The following MAML3 variants were observed in gnomAD, a reference collection of about 807,000 sequenced individuals.
MAML3 encodes mastermind-like protein 3.
In MAML3, 27 loss-of-function variants were observed where a neutral mutation model predicts 101.9. The observed-to-expected ratio is 0.27, with a 90% CI of 0.20 to 0.37. The LOEUF (loss-of-function observed/expected upper bound fraction) is 0.37, where lower values mean the gene tolerates loss of function less well. MAML3 is among the 10% of genes least tolerant of loss of function. The pLI is 1.00. For synonymous variants in MAML3, 501 were observed against 555.9 expected, an observed-to-expected ratio of 0.90 and a Z score of 1.39; for missense variants, 1,316 against 1,444.9, an observed-to-expected ratio of 0.91 and a Z score of 1.45.
chr4:139,913,631 T>C (rs562013399), intron 1 of MAML3, among the ~76,000 whole-genome samples: 2 of 152,194 alleles, frequency 1.3e-5, no homozygotes, highest in Non-Finnish European at 2.9e-5. Context: ...TCAATGGCTG[T>C]GAGAGCAAAA....
chr4:139,861,510 T>TGTGTG (rs1560816924), intron 2 of MAML3, among the ~76,000 whole-genome samples: 12 of 151,226 alleles, frequency 7.9e-5, no homozygotes, highest in East Asian at 3.9e-4. Context: ...TGTGTGTGTG[T>TGTGTG]AGTCTCACAG....
intron 1 of MAML3, among the ~76,000 whole-genome samples, chr4:140,128,662 C>T (rs1728728255): frequency 6.6e-6 from 1 of 152,194 alleles, no homozygotes; most frequent in African/African-American, 2.4e-5. Flanking sequence ...CAGTGGTCCT[C>T]TAGATGTGTG....
intron 1 of MAML3, among the ~76,000 whole-genome samples, chr4:140,152,067 T>C (rs528527700): frequency 4.7e-4 from 71 of 152,148 alleles, no homozygotes; most frequent in South Asian, 1.0e-3. Flanking sequence ...GCGCAAACCC[T>C]GGGTATTGCT....
chr4:139,834,377 T>C (rs150198994), intron 2 of MAML3, among the ~76,000 whole-genome samples: 46 of 152,306 alleles, frequency 3.0e-4, no homozygotes, highest in African/African-American at 1.0e-3. Context: ...AGGGAGGGGT[T>C]ACCCAGTAGC....
At chr4:139,766,909 G>C (rs1729872161) in intron 2 of MAML3, among the ~76,000 whole-genome samples, 1 of 152,214 alleles carries the variant, frequency 6.6e-6, no homozygotes, top group African/African-American at 2.4e-5. Context: ...GTGCGAGGCT[G>C]AGCTAGTTGC....
chr4:139,719,443 G>A lies in MAML3; in HGVS notation c.3297C>T (p.Asp1099=), dbSNP rs755325160. The A allele has an allele frequency of 5.0e-6, 8 of 1,614,004 alleles. No homozygotes were observed. Among genetic ancestry groups the A allele is most frequent in the East Asian group, 2.2e-5 (1 of 44,866 alleles). The change falls in exon 5 of 5, where the codon GAC becomes GAT. Residue 1099 remains aspartate, a synonymous_variant. Coordinates refer to ENST00000509479, the MANE Select transcript of MAML3 (RefSeq NM_018717.5). ...PQDVSYNYSG[D]GAGGSFPGLP... ...GGCCAGGGAAGGAACCCCCAGCTCCGTCGCCACTGTAATTGTATGACACGT... is the reference window on the plus strand; with the variant it reads ...GGCCAGGGAAGGAACCCCCAGCTCCATCGCCACTGTAATTGTATGACACGT...
At chr4:139,925,998 A>T (rs553035023) in intron 1 of MAML3, among the ~76,000 whole-genome samples, 3 of 152,144 alleles carry the variant, frequency 2.0e-5, no homozygotes, top group Non-Finnish European at 2.9e-5. Flanking sequence ...AGAACTTTTT[A>T]GGGTGATGGG....
intron 1 of MAML3, among the ~76,000 whole-genome samples, chr4:139,911,907 A>G (rs192459561): frequency 6.6e-6 from 1 of 152,362 alleles, no homozygotes; most frequent in African/African-American, 2.4e-5. Flanking sequence ...GTATTCTGTT[A>G]CAGCAGCCTG....
intron 1 of MAML3, among the ~76,000 whole-genome samples, chr4:140,106,359 T>C (rs888663427): frequency 2.6e-5 from 4 of 152,168 alleles, no homozygotes; most frequent in African/African-American, 9.7e-5. Context: ...GTCAATGGAT[T>C]TATAACTCTC....
chr4:140,036,612 C>G (rs1726990671), intron 1 of MAML3, among the ~76,000 whole-genome samples: 1 of 151,932 alleles, frequency 6.6e-6, no homozygotes, highest in African/African-American at 2.4e-5. Context: ...GCAGAAGGCT[C>G]AGGAGAAGAT....
intron 1 of MAML3, among the ~76,000 whole-genome samples, chr4:139,937,679 C>T (rs569542393): frequency 6.6e-5 from 10 of 152,226 alleles, no homozygotes; most frequent in South Asian, 2.1e-4. Context: ...TGAGCCACTG[C>T]GCCTGGCCAG....
intron 1 of MAML3, among the ~76,000 whole-genome samples, chr4:140,091,416 G>C (rs1463247379): frequency 6.6e-6 from 1 of 151,766 alleles, no homozygotes; most frequent in Non-Finnish European, 1.5e-5. Flanking sequence ...GTAGAAATCT[G>C]TCCCAAAGCA....
At chr4:139,849,822 CA>C (rs1731515573) in intron 2 of MAML3, among the ~76,000 whole-genome samples, 1 of 152,126 alleles carries the variant, frequency 6.6e-6, no homozygotes, top group African/African-American at 2.4e-5. Flanking sequence ...TGTAATGTTA[CA>C]TAAAATTCTG....
At chr4:139,792,918 T>C (rs1409222064) in intron 2 of MAML3, among the ~76,000 whole-genome samples, 1 of 152,002 alleles carries the variant, frequency 6.6e-6, no homozygotes, top group African/African-American at 2.4e-5. Flanking sequence ...CTAATTTTTT[T>C]TGTATTTTTA....
At chr4:140,003,311 T>C (rs1304349066) in intron 1 of MAML3, among the ~76,000 whole-genome samples, 1 of 152,170 alleles carries the variant, frequency 6.6e-6, no homozygotes, top group African/African-American at 2.4e-5. Context: ...GGGAAAATTC[T>C]AGAGGGAGCT....
intron 2 of MAML3, among the ~76,000 whole-genome samples, chr4:139,737,369 G>A (rs939995940): frequency 2.3e-5 from 2 of 85,414 alleles, no homozygotes; most frequent in Non-Finnish European, 5.7e-5. Flanking sequence ...TCTGGTGGTG[G>A]CGTCTCTGGG....
intron 1 of MAML3, among the ~76,000 whole-genome samples, chr4:140,050,675 A>C (rs1255390175): frequency 6.6e-6 from 1 of 152,144 alleles, no homozygotes; most frequent in Non-Finnish European, 1.5e-5. Context: ...TGAACCTATA[A>C]ATCAGGGCCT....
At chr4:139,777,723 G>A (rs1232377080) in intron 2 of MAML3, among the ~76,000 whole-genome samples, 4 of 152,196 alleles carry the variant, frequency 2.6e-5, no homozygotes, top group Non-Finnish European at 4.4e-5. Flanking sequence ...ATCAGACGAT[G>A]TTACTTGCCT....
intron 2 of MAML3, among the ~76,000 whole-genome samples, chr4:139,874,601 T>C (rs556068758): frequency 1.1e-4 from 17 of 152,248 alleles, no homozygotes; most frequent in South Asian, 2.1e-4. Context: ...AATGAATGAA[T>C]GAATGAAACT....
Sources: allele counts gnomAD v4.1 joint callset (sites outside exome capture counted in the v4.1 genomes callset), GRCh38; gene constraint gnomAD v4.1.1; transcripts MANE v1.5; gene names NCBI Gene and HGNC (gene_info 2026-07-23, HGNC 2026-07-21).